The following CFAP100 variants were observed in gnomAD, a reference collection of about 807,000 sequenced individuals.
CFAP100 encodes the protein cilia and flagella associated protein 100.
Under a neutral mutation model 81.5 loss-of-function variants are expected in CFAP100, and 70 were observed. The ratio of observed to expected loss-of-function variants is 0.86; its 90% confidence interval spans 0.71 to 1.05. The LOEUF (loss-of-function observed/expected upper bound fraction) is 1.05, where lower values mean the gene tolerates loss of function less well. Ranked by LOEUF, CFAP100 falls within the 50% of genes least tolerant of loss-of-function variation. CFAP100 has a pLI of 0.00. For synonymous variants in CFAP100, 341 were observed against 314.8 expected, an observed-to-expected ratio of 1.08 and a Z score of -0.88; for missense variants, 811 against 776.5, an observed-to-expected ratio of 1.04 and a Z score of -0.53.
At chr3:126,412,434 G>C (rs1240704656) in intron 3 of CFAP100, among the ~76,000 whole-genome samples, 1 of 152,226 alleles carries the variant, frequency 6.6e-6, no homozygotes, top group Non-Finnish European at 1.5e-5. Context: ...TTTGGGGGCT[G>C]TTACTCAACC....
intron 3 of CFAP100, among the ~76,000 whole-genome samples, chr3:126,412,133 A>C (rs1240899600): frequency 6.6e-6 from 1 of 152,208 alleles, no homozygotes; most frequent in African/African-American, 2.4e-5. Flanking sequence ...AAGAATTTTC[A>C]AATTTCCATT....
Position 126,419,697 on chromosome 3 carries a change from C to T in CFAP100, c.792C>T (p.Tyr264=), listed in dbSNP as rs1345586391. The change falls in exon 9 of 17, where the codon TAC becomes TAT. Residue 264 remains tyrosine (Y), a synonymous_variant. Coordinates refer to ENST00000352312, the MANE Select transcript of CFAP100 (RefSeq NM_182628.3). ...ACAAGGTCTATAAGGATTTCCTATACAAGCTGTCGCCCAAGGAGTGGCTTG... is the reference window on the plus strand; with the variant it reads ...ACAAGGTCTATAAGGATTTCCTATATAAGCTGTCGCCCAAGGAGTGGCTTG... ...KHYKVYKDFL[Y]KLSPKEWLEE... 2.5e-6 allele frequency: 4 copies of T among 1,613,974 alleles called. No homozygotes were observed. The Admixed American group carries it at 6.7e-5, about 27-fold the overall frequency.
chr3:126,409,654 G>A (rs1197414974), intron 3 of CFAP100, among the ~76,000 whole-genome samples: 1 of 152,194 alleles, frequency 6.6e-6, no homozygotes, highest in African/African-American at 2.4e-5. Context: ...GTATATGTTA[G>A]TATCTCATAT....
chr3:126,421,614 C>G (rs2083333263), intron 11 of CFAP100, among the ~76,000 whole-genome samples: 1 of 152,216 alleles, frequency 6.6e-6, no homozygotes, highest in African/African-American at 2.4e-5. Flanking sequence ...GGGCCTTTAT[C>G]TGCTGCTCAG....
At chr3:126,423,964 G>T (rs1480652541) in intron 13 of CFAP100, among the ~76,000 whole-genome samples, 1 of 152,232 alleles carries the variant, frequency 6.6e-6, no homozygotes, top group East Asian at 1.9e-4. Context: ...TGGAGTGGCT[G>T]GAGGTCCACA....
chr3:126,426,698 T>C (rs1430297403), intron 13 of CFAP100, among the ~76,000 whole-genome samples: 1 of 152,120 alleles, frequency 6.6e-6, no homozygotes, highest in Admixed American at 6.5e-5. Flanking sequence ...TGCAGTGAGC[T>C]GAGATCGCAC....
intron 2 of CFAP100, among the ~76,000 whole-genome samples, chr3:126,405,815 T>C (rs1394751568): frequency 6.6e-6 from 1 of 152,046 alleles, no homozygotes; most frequent in African/African-American, 2.4e-5. Context: ...AGAGACAGGG[T>C]CTCACCCTGT....
intron 13 of CFAP100, among the ~76,000 whole-genome samples, chr3:126,429,554 T>C (rs1933107681): frequency 6.6e-6 from 1 of 152,030 alleles, no homozygotes; most frequent in African/African-American, 2.4e-5. Context: ...GGTTTGATGT[T>C]TTTGTTTTTG....
At chr3:126,414,012 T>G (rs959467252) in intron 3 of CFAP100, 73 bp from the exon 4 acceptor site, 3 of 1,093,456 alleles carry the variant, frequency 2.7e-6, no homozygotes, top group Non-Finnish European at 4.2e-6. Context: ...GGGAAGGCAG[T>G]GGGGCCCCAG....
chr3:126,429,107 CAAAAAAAAAAAAA>C (rs57773311), intron 13 of CFAP100, among the ~76,000 whole-genome samples: 3 of 95,752 alleles, frequency 3.1e-5, no homozygotes, highest in Non-Finnish European at 6.2e-5. Context: ...CGTCTCCATC[CAAAAAAAAAAAAA>C]AAAAAAAAAA....
At chr3:126,409,266 T>C (rs536162018) in intron 3 of CFAP100, among the ~76,000 whole-genome samples, 44 of 152,346 alleles carry the variant, frequency 2.9e-4, no homozygotes, top group African/African-American at 9.9e-4. Context: ...ACACTGTCTA[T>C]CCTTTCAGTT....
At position 126,415,633 on chromosome 3, in the gene CFAP100, G is replaced by A. The variant is rs77189409; in HGVS notation, c.226-683G>A. 6.5e-3 allele frequency among the ~76,000 whole-genome samples: 995 copies of A among 152,260 alleles called. 10 individuals are homozygous for A. Among genetic ancestry groups the A allele is most frequent in the African/African-American group, 0.022 (922 of 41,544 alleles). The stretch of plus-strand genomic sequence containing the variant: ...TACCTGGTAGGTCCCAGCAGGAAAC[G>A]GAAGTGACCCCAGAAAGTCTACGTG... On this transcript the variant is annotated intron_variant, in intron 4 of 16. Transcript: ENST00000352312.
intron 8 of CFAP100, among the ~76,000 whole-genome samples, chr3:126,419,360 G>A (rs1452607227): frequency 2.0e-5 from 3 of 152,234 alleles, no homozygotes; most frequent in Non-Finnish European, 4.4e-5. Flanking sequence ...TCCACTTGGA[G>A]GTTGGCAGCT....
Position 126,433,122 on chromosome 3 carries a change from TCAC to T in CFAP100, c.1343_1345del (p.Thr448del). On this transcript the variant is annotated inframe_deletion, in exon 14 of 17. Coordinates refer to ENST00000352312, the MANE Select transcript of CFAP100 (RefSeq NM_182628.3). ...TGGGTCACCACAATGATGATGTCCA[TCAC>T]CAAGGAGGAGGACACAGCAGCTGAG... 1 of 1,614,058 alleles carries T rather than the reference TCAC, an allele frequency of 6.2e-7. No homozygotes were observed. Among genetic ancestry groups the T allele is most frequent in the South Asian group, 1.1e-5 (1 of 91,082 alleles).
At position 126,419,963 on chromosome 3, in the gene CFAP100, C is replaced by A. The variant is rs1416339812; in HGVS notation, c.914-17C>A. 1 of 1,612,922 alleles carries A rather than the reference C, an allele frequency of 6.2e-7. No individual in the cohort carries two copies. Among genetic ancestry groups the A allele is most frequent in the Non-Finnish European group, 8.5e-7 (1 of 1,179,892 alleles). On this transcript the variant is annotated splice_polypyrimidine_tract_variant and intron_variant, in intron 9 of 16. Coordinates refer to ENST00000352312, the MANE Select transcript of CFAP100 (RefSeq NM_182628.3). ...CTGCAGCTGAGGCCATCGGGGCCCCCCCTTTGCTTCCTGCAGGACCAGGGA... is the reference window on the plus strand; with the variant it reads ...CTGCAGCTGAGGCCATCGGGGCCCCACCTTTGCTTCCTGCAGGACCAGGGA...
chr3:126,409,998 C>T (rs1005154662), intron 3 of CFAP100, among the ~76,000 whole-genome samples: 26 of 152,050 alleles, frequency 1.7e-4, no homozygotes, highest in Admixed American at 6.5e-5. Flanking sequence ...GTCAGGAGTT[C>T]GAGACCAGCC....
At chr3:126,398,459 C>A (rs62264673) in intron 2 of CFAP100, among the ~76,000 whole-genome samples, 5,114 of 152,332 alleles carry the variant, frequency 0.034, 114 homozygotes, top group South Asian at 0.079. Context: ...CTTGCCCCTG[C>A]TGAAGGAGCC....
chr3:126,395,844 G>A (rs547434870), intron 1 of CFAP100, 98 bp from the exon 2 acceptor site: 2 of 636,244 alleles, frequency 3.1e-6, no homozygotes, highest in Admixed American at 2.6e-5. Flanking sequence ...TCCCCACAAG[G>A]TGAGCCCTCA....
chr3:126,416,258 G>A (rs1336669650), intron 4 of CFAP100, 58 bp from the exon 5 acceptor site: 7 of 1,263,760 alleles, frequency 5.5e-6, no homozygotes, highest in Non-Finnish European at 7.6e-6. Context: ...ACCGCGCGGG[G>A]AGGCCTGGAC....
Sources: gnomAD v4.1 joint callset for allele counts (sites outside exome capture counted in the v4.1 genomes callset) on GRCh38, gnomAD v4.1.1 for gene constraint, MANE v1.5 for transcripts, NCBI Gene and HGNC (gene_info 2026-07-23, HGNC 2026-07-21) for gene names.